ORC2: variants seen among roughly 807,000 people sequenced by gnomAD.
ORC2 encodes the protein origin recognition complex subunit 2.
Under a neutral mutation model 77.7 loss-of-function variants are expected in ORC2, and 37 were observed. The ratio of observed to expected loss-of-function variants is 0.48; its 90% CI spans 0.37 to 0.63. The LOEUF (loss-of-function observed/expected upper bound fraction) is 0.63, where lower values mean the gene tolerates loss of function less well. Among genes scored for constraint, ORC2 ranks in the 20% least tolerant of loss-of-function variants. ORC2 has a pLI of 0.00. For synonymous variants in ORC2, 201 were observed against 229.5 expected (o/e 0.88, Z 1.12); for missense variants, 557 against 661.9 (o/e 0.84, Z 1.74).
chr2:200,918,284 T>C (rs1912331), intron 15 of ORC2, among the ~76,000 whole-genome samples: 148,575 of 152,238 alleles, frequency 0.98, 72,618 homozygotes, highest in East Asian at 1. Context: ...CATTCTGTTG[T>C]ATTGAGATGT....
intron 15 of ORC2, among the ~76,000 whole-genome samples, chr2:200,917,764 G>A (rs2040681815): frequency 6.6e-6 from 1 of 152,080 alleles, no homozygotes; most frequent in South Asian, 2.1e-4. Context: ...TTTGGGAGGA[G>A]GGTACATGAG....
At chr2:200,931,715 A>G (rs1410821978) in intron 10 of ORC2, among the ~76,000 whole-genome samples, 2 of 152,184 alleles carry the variant, frequency 1.3e-5, no homozygotes, top group Non-Finnish European at 2.9e-5. Flanking sequence ...ATGATTATAA[A>G]CTCCAAGAAT....
chr2:200,944,741 T>C (rs1413995027), intron 5 of ORC2, among the ~76,000 whole-genome samples: 4 of 152,174 alleles, frequency 2.6e-5, no homozygotes, highest in Admixed American at 2.0e-4. Flanking sequence ...GGTCTTCCTA[T>C]GTTGCTCAGG....
chr2:200,950,246 G>A (rs1362110525), intron 4 of ORC2, among the ~76,000 whole-genome samples: 1 of 152,134 alleles, frequency 6.6e-6, no homozygotes, highest in African/African-American at 2.4e-5. Flanking sequence ...CAGAAGAATT[G>A]CTTGAACCTG....
chr2:200,926,258 A>G (rs2040837267), intron 12 of ORC2, among the ~76,000 whole-genome samples: 1 of 152,186 alleles, frequency 6.6e-6, no homozygotes, highest in Non-Finnish European at 1.5e-5. Context: ...CAGGACACAA[A>G]CACTACAGAC....
At chr2:200,949,780 T>A (rs902545494) in intron 4 of ORC2, 137 bp from the exon 5 acceptor site, 12 of 461,774 alleles carry the variant, frequency 2.6e-5, no homozygotes, top group African/African-American at 4.1e-5. Flanking sequence ...ATAAAATATT[T>A]GGAAATACAT....
At chr2:200,953,597 A>G (rs766121458) in intron 4 of ORC2, among the ~76,000 whole-genome samples, 30 of 152,318 alleles carry the variant, frequency 2.0e-4, no homozygotes, top group Middle Eastern at 3.4e-3. Flanking sequence ...TATAAACCCC[A>G]AAGAATTGAA....
chr2:200,954,652 G>A (rs1368848544), intron 4 of ORC2, among the ~76,000 whole-genome samples: 2 of 152,032 alleles, frequency 1.3e-5, no homozygotes, highest in Admixed American at 6.6e-5. Context: ...TGGCACAGGA[G>A]GGAGTGTGGA....
intron 2 of ORC2, among the ~76,000 whole-genome samples, 164 bp downstream of exon 2, chr2:200,959,228 C>T (rs1420876205): frequency 6.6e-6 from 1 of 152,156 alleles, no homozygotes; most frequent in African/African-American, 2.4e-5. Context: ...AGCAATTTTC[C>T]CACCTCACCC....
At chr2:200,945,564 T>TA (rs142914417) in intron 5 of ORC2, among the ~76,000 whole-genome samples, 1 of 151,632 alleles carries the variant, frequency 6.6e-6, no homozygotes, top group Non-Finnish European at 1.5e-5. Flanking sequence ...GTGAGACCCT[T>TA]AAAAAAAATT....
chr2:200,912,911 A>G (rs975842373), intron 17 of ORC2, among the ~76,000 whole-genome samples: 11 of 152,248 alleles, frequency 7.2e-5, no homozygotes, highest in African/African-American at 2.4e-4. Context: ...TTTAAGCTCC[A>G]TAAGAAAAGC....
At chr2:200,939,036 C>A (rs1036527612) in intron 7 of ORC2, among the ~76,000 whole-genome samples, 10 of 149,996 alleles carry the variant, frequency 6.7e-5, no homozygotes, top group African/African-American at 2.0e-4. Context: ...GAAACTCTTC[C>A]TCAGGGGGAA....
At chr2:200,922,086 C>G (rs1209851024) in intron 13 of ORC2, among the ~76,000 whole-genome samples, 1 of 136,924 alleles carries the variant, frequency 7.3e-6, no homozygotes, top group African/African-American at 2.8e-5. Flanking sequence ...ATATAATGCT[C>G]TCAGAGATTA....
rs553196552 is a variant in ORC2, at chr2:200,920,912, A to T, written c.1294+81T>A. On this transcript the variant is annotated intron_variant, in intron 14 of 17. Transcript: ENST00000234296. ...GGGAAAAAGCGTACTAAAAACAGTA[A>T]AAATTTTCTGATTTATATTAATAGA... 1.3e-5 allele frequency: 14 copies of T among 1,055,332 alleles called. No individual in the cohort carries two copies. In the African/African-American group the frequency reaches 2.0e-4, roughly 15 times the overall value. The allele number at this position is 1,055,332 out of a possible 1,614,324, so 65.4% of individuals were successfully genotyped here. A position where few individuals can be genotyped will look rare whatever the true frequency, so the allele number is the denominator to read the frequency against.
At chr2:200,936,610 G>C (rs531041425) in intron 8 of ORC2, among the ~76,000 whole-genome samples, 1 of 152,152 alleles carries the variant, frequency 6.6e-6, no homozygotes, top group East Asian at 1.9e-4. Context: ...AATGTCTATG[G>C]CTTAAACTAC....
At position 200,958,041 on chromosome 2, in the gene ORC2, T is replaced by A; in HGVS notation, c.83A>T (p.Asp28Val). 6.3e-7 allele frequency: 1 copy of A among 1,587,662 alleles called. No homozygotes were observed. The highest frequency in any genetic ancestry group is 8.6e-7 in the Non-Finnish European group (1 of 1,156,494). ...GDDDVLNHIL[D>V]REGGAKLKKE... is the part of the protein sequence containing the mutation. ...CAATCACTTAATACCTCCTTCTCTA[T>A]CTAGAATGTGATTAAGAACATCATC... Residue 28 changes from aspartate to valine, a missense_variant, in exon 3 of 18, where the codon GAT (aspartate) becomes GTT (valine). Asp to Val is a radical substitution (Grantham distance 152). Coordinates refer to ENST00000234296, the MANE Select transcript of ORC2 (RefSeq NM_006190.5).
intron 13 of ORC2, among the ~76,000 whole-genome samples, chr2:200,923,502 G>A (rs1024032713): frequency 7.2e-5 from 11 of 151,940 alleles, no homozygotes; most frequent in South Asian, 2.1e-4. Context: ...CACCTGCCTC[G>A]GCCTCCCAAA....
At chr2:200,944,689 C>T (rs1483972955) in intron 5 of ORC2, among the ~76,000 whole-genome samples, 1 of 152,140 alleles carries the variant, frequency 6.6e-6, no homozygotes, top group African/African-American at 2.4e-5. Flanking sequence ...CACAGGCGTG[C>T]GCCACTATGC....
intron 5 of ORC2, chr2:200,943,057 A>C: frequency 4.6e-6 from 1 of 218,576 alleles, no homozygotes. Context: ...TCTCCTCTCC[A>C]TCAACCACTT....
Sources: gnomAD v4.1 joint callset for allele counts (sites outside exome capture counted in the v4.1 genomes callset) on GRCh38, gnomAD v4.1.1 for gene constraint, MANE v1.5 for transcripts, NCBI Gene and HGNC (gene_info 2026-07-23, HGNC 2026-07-21) for gene names.